BMP6: variants seen among roughly 807,000 people sequenced by gnomAD.
The protein encoded by BMP6 is VG-1-R.
A neutral mutation model predicts 54.1 loss-of-function variants in BMP6; 17 were observed. The ratio of observed to expected loss-of-function variants is 0.31; its 90% CI spans 0.22 to 0.47. BMP6 has a LOEUF of 0.47. BMP6 is among the 20% of genes least tolerant of loss of function. BMP6 has a pLI of 1.00. For synonymous variants in BMP6, 328 were observed against 291.2 expected (o/e 1.13, Z -1.28); for missense variants, 720 against 690.4 (o/e 1.04, Z -0.48).
chr6:7,818,249 T>C (rs1343079185), intron 1 of BMP6, among the ~76,000 whole-genome samples: 3 of 152,206 alleles, frequency 2.0e-5, no homozygotes, highest in Non-Finnish European at 2.9e-5. Flanking sequence ...CTTTTTTTAA[T>C]GTCAAGATGA....
At chr6:7,822,371 G>C (rs1022500035) in intron 1 of BMP6, among the ~76,000 whole-genome samples, 18 of 152,138 alleles carry the variant, frequency 1.2e-4, no homozygotes. Flanking sequence ...CTGCAGAGAC[G>C]GGGTGCATTT....
chr6:7,828,951 G>C (rs1055027175), intron 1 of BMP6, among the ~76,000 whole-genome samples: 21 of 152,214 alleles, frequency 1.4e-4, no homozygotes, highest in African/African-American at 5.1e-4. Flanking sequence ...CCGTGTCCCA[G>C]GGCTTGGCAC....
rs569855203 is a variant in BMP6 at position 7,787,918 on chromosome 6, C to T, written c.665-57222C>T. Among the ~76,000 whole-genome samples, 138 of 152,198 alleles carry T rather than the reference C, an allele frequency of 9.1e-4. 1 individual carries two copies. The highest frequency in any genetic ancestry group is 2.9e-3 in the African/African-American group (121 of 41,524). On this transcript the variant is annotated intron_variant, in intron 1 of 6. Coordinates refer to ENST00000283147, the MANE Select transcript of BMP6 (RefSeq NM_001718.6). Reference sequence around the variant, plus strand: ...ATTTATTTTTGGCATGACTTTTTCACCTTCTGAATTGCTGACTATGGTAGA... The same window carrying T: ...ATTTATTTTTGGCATGACTTTTTCATCTTCTGAATTGCTGACTATGGTAGA...
intron 1 of BMP6, among the ~76,000 whole-genome samples, chr6:7,829,272 C>T (rs1319575357): frequency 6.6e-6 from 1 of 152,166 alleles, no homozygotes; most frequent in Non-Finnish European, 1.5e-5. Context: ...TGTCTTCTCT[C>T]TCTCTCTGTC....
chr6:7,792,465 T>C (rs566205930), intron 1 of BMP6, among the ~76,000 whole-genome samples: 1 of 152,326 alleles, frequency 6.6e-6, no homozygotes, highest in East Asian at 1.9e-4. Context: ...GTGGGCTGTG[T>C]ACTCACCTGT....
chr6:7,819,988 CTGTT>C (rs1411821569), intron 1 of BMP6, among the ~76,000 whole-genome samples: 4 of 152,118 alleles, frequency 2.6e-5, no homozygotes, highest in South Asian at 2.1e-4. Context: ...TATTGGTGGT[CTGTT>C]TAAGTGAAAT....
intron 1 of BMP6, among the ~76,000 whole-genome samples, chr6:7,765,850 C>T (rs1757678701): frequency 6.6e-6 from 1 of 152,190 alleles, no homozygotes; most frequent in Admixed American, 6.5e-5. Flanking sequence ...TCCTAGTAAC[C>T]GCTTGCATTC....
intron 1 of BMP6, among the ~76,000 whole-genome samples, chr6:7,734,947 A>G (rs1007326642): frequency 6.6e-6 from 1 of 152,236 alleles, no homozygotes; most frequent in South Asian, 2.1e-4. Flanking sequence ...TACGCCCTTG[A>G]TGACTGATCC....
intron 1 of BMP6, among the ~76,000 whole-genome samples, chr6:7,781,622 C>T (rs1225492938): frequency 1.3e-5 from 2 of 151,530 alleles, no homozygotes; most frequent in Admixed American, 1.3e-4. Flanking sequence ...CACTGAGTGC[C>T]TATTGAGTGT....
chr6:7,836,698 G>T (rs1041928064), intron 1 of BMP6, among the ~76,000 whole-genome samples: 2 of 152,138 alleles, frequency 1.3e-5, no homozygotes, highest in African/African-American at 4.8e-5. Context: ...GATTATTCTT[G>T]ATATTTGTGA....
intron 2 of BMP6, among the ~76,000 whole-genome samples, chr6:7,855,106 C>CT (rs1687056665): frequency 6.6e-6 from 1 of 152,174 alleles, no homozygotes; most frequent in Admixed American, 6.5e-5. Context: ...GACACACTGA[C>CT]TTGTGGAGCA....
chr6:7,778,822 C>T (rs1316654591), intron 1 of BMP6, among the ~76,000 whole-genome samples: 1 of 152,158 alleles, frequency 6.6e-6, no homozygotes, highest in Admixed American at 6.5e-5. Context: ...TTCATCCTTC[C>T]CATTCCCGGA....
At chr6:7,780,550 A>C (rs1338292817) in intron 1 of BMP6, among the ~76,000 whole-genome samples, 2 of 141,248 alleles carry the variant, frequency 1.4e-5, no homozygotes, top group African/African-American at 5.4e-5. Flanking sequence ...ATTCCATCGC[A>C]AAAAAAAAAA....
At chr6:7,809,298 C>T (rs774763373) in intron 1 of BMP6, among the ~76,000 whole-genome samples, 7 of 151,994 alleles carry the variant, frequency 4.6e-5, no homozygotes, top group Non-Finnish European at 8.8e-5. Context: ...TCCTTGGATC[C>T]GTGGCCAGGA....
At chr6:7,827,332 A>T (rs915347279) in intron 1 of BMP6, among the ~76,000 whole-genome samples, 1 of 152,112 alleles carries the variant, frequency 6.6e-6, no homozygotes, top group Non-Finnish European at 1.5e-5. Flanking sequence ...ATACTGAGAT[A>T]CTCTCTCCAT....
At chr6:7,866,973 C>A (rs192095923) in intron 4 of BMP6, among the ~76,000 whole-genome samples, 4 of 152,162 alleles carry the variant, frequency 2.6e-5, no homozygotes, top group African/African-American at 9.7e-5. Flanking sequence ...CGGGTTCAAG[C>A]GATTCTCCTG....
chr6:7,743,057 T>G (rs759785311), intron 1 of BMP6, among the ~76,000 whole-genome samples: 2 of 152,174 alleles, frequency 1.3e-5, no homozygotes, highest in Non-Finnish European at 2.9e-5. Flanking sequence ...AAGTAGCAAA[T>G]ATCTTTCACA....
intron 4 of BMP6, among the ~76,000 whole-genome samples, chr6:7,869,936 A>G (rs1380528713): frequency 2.0e-5 from 3 of 152,158 alleles, no homozygotes; most frequent in Non-Finnish European, 4.4e-5. Flanking sequence ...GAGCTGCAGC[A>G]TGTACCCCTG....
rs1759704766 is a variant in BMP6, at chr6:7,880,738, G to C, written c.*395G>C. On this transcript the variant is annotated 3_prime_UTR_variant, in exon 7 of 7. Transcript: ENST00000283147. ...GGAGTTAAATGTATTCTTGGCTAAA[G>C]GATCAGCTGGTTCAGTACTGTCTAT... 4 of 270,296 alleles carry C rather than the reference G, an allele frequency of 1.5e-5. No individual in the cohort carries two copies. Among genetic ancestry groups the C allele is most frequent in the Non-Finnish European group, 2.9e-5 (4 of 139,048 alleles). The allele number at this position is 270,296 out of a possible 1,614,324, so 16.7% of individuals were successfully genotyped here.
Sources: gnomAD v4.1 joint callset for allele counts (sites outside exome capture counted in the v4.1 genomes callset) on GRCh38, gnomAD v4.1.1 for gene constraint, MANE v1.5 for transcripts, NCBI Gene and HGNC (gene_info 2026-07-23, HGNC 2026-07-21) for gene names.